Variants in GHR observed in about 807,000 individuals in gnomAD.
The protein encoded by GHR is GH receptor.
Under a neutral mutation model 67.1 loss-of-function variants are expected in GHR, and 35 were observed. That is an observed-to-expected ratio of 0.52 (90% confidence interval 0.40 to 0.69). GHR has a LOEUF of 0.69. Among genes scored for constraint, GHR ranks in the 30% least tolerant of loss-of-function variants. The pLI is 0.00. For synonymous variants in GHR, 272 were observed against 269.1 expected, an observed-to-expected ratio of 1.01 and a Z score of -0.10; for missense variants, 792 against 764.6, an observed-to-expected ratio of 1.04 and a Z score of -0.42.
intron 1 of GHR, among the ~76,000 whole-genome samples, chr5:42,438,059 A>G (rs7703669): frequency 0.18 from 26,846 of 152,208 alleles, 2,672 homozygotes; most frequent in Non-Finnish European, 0.21. Context: ...CTTAGAAGGC[A>G]AAGGGCTATG....
chr5:42,663,754 G>A lies in GHR; in HGVS notation c.137-25136G>A, dbSNP rs535671146. Among the ~76,000 whole-genome samples, 23 of 152,266 alleles carry A rather than the reference G, an allele frequency of 1.5e-4. 1 individual carries two copies. The South Asian group carries it at 1.7e-3, about 11-fold the overall frequency. ...TGGAAGTTCTGGCCAGGGCAATTACGCAGGAGAAGGAAATAAAGAGTATTC... is the reference window on the plus strand; with the variant it reads ...TGGAAGTTCTGGCCAGGGCAATTACACAGGAGAAGGAAATAAAGAGTATTC... On this transcript the variant is annotated intron_variant, in intron 3 of 9. Coordinates refer to ENST00000230882, the MANE Select transcript of GHR (RefSeq NM_000163.5).
At chr5:42,500,184 C>T (rs917523475) in intron 1 of GHR, among the ~76,000 whole-genome samples, 5 of 152,216 alleles carry the variant, frequency 3.3e-5, no homozygotes, top group African/African-American at 1.2e-4. Flanking sequence ...CCTTACTCTC[C>T]TCCTTAGCTG....
chr5:42,489,829 TA>T (rs1746037602), intron 1 of GHR, among the ~76,000 whole-genome samples: 1 of 152,204 alleles, frequency 6.6e-6, no homozygotes, highest in African/African-American at 2.4e-5. Flanking sequence ...GGTAAAGTCA[TA>T]AAATAAATAT....
chr5:42,613,905 T>G (rs1370830537), intron 2 of GHR, among the ~76,000 whole-genome samples: 3 of 151,970 alleles, frequency 2.0e-5, no homozygotes, highest in Non-Finnish European at 4.4e-5. Flanking sequence ...AATGATTGAG[T>G]CAAGTGCAAA....
intron 1 of GHR, among the ~76,000 whole-genome samples, chr5:42,543,820 C>G (rs893929742): frequency 1.3e-5 from 2 of 152,070 alleles, no homozygotes; most frequent in Non-Finnish European, 2.9e-5. Context: ...TCCTCTCTTT[C>G]TGGAATTCCA....
At chr5:42,585,363 A>G (rs1160889673) in intron 2 of GHR, among the ~76,000 whole-genome samples, 1 of 152,230 alleles carries the variant, frequency 6.6e-6, no homozygotes, top group African/African-American at 2.4e-5. Context: ...AGCCTTTTAT[A>G]AAACAAATAG....
chr5:42,556,100 C>G (rs1251532696), intron 1 of GHR, among the ~76,000 whole-genome samples: 1 of 152,104 alleles, frequency 6.6e-6, no homozygotes, highest in Non-Finnish European at 1.5e-5. Flanking sequence ...AATAACTTTA[C>G]CATGTTGGAC....
Position 42,424,496 on chromosome 5 carries a change from A to G in GHR, c.-12+541A>G, listed in dbSNP as rs1449028687. ...AGCTGTGCGCGTGGACACAGCGCGC[A>G]GAGCGCGCGGTCTTTTGCGCGTTTG... On this transcript the variant is annotated intron_variant, in intron 1 of 9. Coordinates refer to ENST00000230882, the MANE Select transcript of GHR (RefSeq NM_000163.5). This position sits in a 1 kb window ranked among gnomAD's most constrained non-coding sequence, Gnocchi z 4.1. The G allele has an allele frequency of 1.1e-5, 12 of 1,088,038 alleles. No individual in the cohort carries two copies. Among genetic ancestry groups the G allele is most frequent in the Non-Finnish European group, 1.6e-5 (12 of 740,000 alleles). The allele number at this position is 1,088,038 out of a possible 1,614,324, so 67.4% of individuals were successfully genotyped here.
At chr5:42,576,122 AT>A (rs1404730765) in intron 2 of GHR, among the ~76,000 whole-genome samples, 1 of 95,474 alleles carries the variant, frequency 1.0e-5, no homozygotes, top group African/African-American at 4.7e-5. Context: ...ATAAAATAAA[AT>A]AAAATAAAAT....
At chr5:42,571,437 TC>T (rs1420342541) in intron 2 of GHR, among the ~76,000 whole-genome samples, 1 of 152,082 alleles carries the variant, frequency 6.6e-6, no homozygotes, top group Non-Finnish European at 1.5e-5. Context: ...ACCTTGACAA[TC>T]CCCCAGATAT....
At chr5:42,597,530 T>C (rs1044268526) in intron 2 of GHR, among the ~76,000 whole-genome samples, 2 of 152,080 alleles carry the variant, frequency 1.3e-5, no homozygotes, top group Non-Finnish European at 2.9e-5. Context: ...AAGACTGGCA[T>C]CCATGGTTCC....
chr5:42,578,978 T>C (rs1174847023), intron 2 of GHR, among the ~76,000 whole-genome samples: 1 of 152,142 alleles, frequency 6.6e-6, no homozygotes, highest in Non-Finnish European at 1.5e-5. Context: ...CAGCATGTTC[T>C]TCAAGTGGAA....
intron 3 of GHR, among the ~76,000 whole-genome samples, chr5:42,681,346 C>T (rs1212009175): frequency 6.6e-6 from 1 of 151,432 alleles, no homozygotes; most frequent in Admixed American, 6.6e-5. Context: ...AGCCAACAGA[C>T]ACATGAAAAA....
intron 1 of GHR, among the ~76,000 whole-genome samples, chr5:42,425,960 T>G (rs904261429): frequency 2.6e-5 from 4 of 152,240 alleles, no homozygotes; most frequent in African/African-American, 9.6e-5. Flanking sequence ...AGTGCATTCT[T>G]TTTTCAAAAT....
intron 3 of GHR, among the ~76,000 whole-genome samples, chr5:42,646,539 T>C (rs1343847320): frequency 6.6e-6 from 1 of 152,190 alleles, no homozygotes; most frequent in Non-Finnish European, 1.5e-5. Context: ...ATGTCTGCTT[T>C]GTTTGTTGTT....
intron 3 of GHR, among the ~76,000 whole-genome samples, chr5:42,681,885 G>A (rs1212563884): frequency 5.8e-5 from 8 of 138,740 alleles, no homozygotes; most frequent in Admixed American, 4.1e-4. Context: ...GCAGTGAGCC[G>A]AGATAGCGCC....
At chr5:42,576,346 A>G (rs963084314) in intron 2 of GHR, among the ~76,000 whole-genome samples, 1 of 151,994 alleles carries the variant, frequency 6.6e-6, no homozygotes, top group Non-Finnish European at 1.5e-5. Flanking sequence ...CTACACAGGA[A>G]AAGCAGTTGC....
rs538773906 is a variant in GHR, at chr5:42,591,703, A to G, written c.70+25759A>G. 1.1e-4 allele frequency among the ~76,000 whole-genome samples: 17 copies of G among 152,184 alleles called. No homozygotes were observed. The South Asian group carries it at 3.5e-3, about 32-fold the overall frequency. Reference sequence around the variant, plus strand: ...GCACTTGTCCACTGTCCTTGCTACCAGGGAATCCCTCTGCAGCCCCCTTAC... The same window carrying G: ...GCACTTGTCCACTGTCCTTGCTACCGGGGAATCCCTCTGCAGCCCCCTTAC... On this transcript the variant is annotated intron_variant, in intron 2 of 9. Transcript: ENST00000230882.
intron 3 of GHR, among the ~76,000 whole-genome samples, chr5:42,672,970 G>A (rs911693514): frequency 6.6e-6 from 1 of 152,052 alleles, no homozygotes; most frequent in Non-Finnish European, 1.5e-5. Context: ...CAGCAACAGA[G>A]TAAACAGCCT....
Sources: allele counts gnomAD v4.1 joint callset (sites outside exome capture counted in the v4.1 genomes callset), GRCh38; gene constraint gnomAD v4.1.1; non-coding constraint Gnocchi (gnomAD v3.1); transcripts MANE v1.5; gene names NCBI Gene and HGNC (gene_info 2026-07-23, HGNC 2026-07-21).